HCRTR2: variants seen among roughly 807,000 people sequenced by gnomAD.
The protein encoded by HCRTR2 is hypocretin receptor 2.
A neutral mutation model predicts 49.0 loss-of-function variants in HCRTR2; 22 were observed. The observed-to-expected ratio is 0.45, with a 90% confidence interval of 0.32 to 0.64. The LOEUF (loss-of-function observed/expected upper bound fraction) is 0.64, where lower values mean the gene tolerates loss of function less well. Among genes scored for constraint, HCRTR2 ranks in the 30% least tolerant of loss-of-function variants. The pLI, the probability that HCRTR2 is intolerant of heterozygous loss-of-function variation, is 0.04. For synonymous variants in HCRTR2, 236 were observed against 205.3 expected, an observed-to-expected ratio of 1.15 and a Z score of -1.28; for missense variants, 491 against 559.4, an observed-to-expected ratio of 0.88 and a Z score of 1.23.
intron 1 of HCRTR2, among the ~76,000 whole-genome samples, chr6:55,215,084 T>G (rs1284269824): frequency 6.6e-6 from 1 of 152,236 alleles, no homozygotes; most frequent in East Asian, 1.9e-4. Flanking sequence ...CAGAGCACAA[T>G]GGCCTGCAAC....
chr6:55,143,637 A>G (rs969278008), intron 1 of HCRTR2, among the ~76,000 whole-genome samples: 4 of 152,254 alleles, frequency 2.6e-5, no homozygotes, highest in African/African-American at 4.8e-5. Context: ...TTATTTAGTG[A>G]ATGTGCATTA....
chr6:55,223,680 A>G (rs575820862), intron 1 of HCRTR2, among the ~76,000 whole-genome samples: 20 of 152,064 alleles, frequency 1.3e-4, no homozygotes, highest in African/African-American at 4.6e-4. Context: ...TAGTTTTTCA[A>G]CCTCTATATG....
intron 1 of HCRTR2, among the ~76,000 whole-genome samples, chr6:55,206,861 T>G (rs1230282853): frequency 6.6e-6 from 1 of 151,994 alleles, no homozygotes; most frequent in Non-Finnish European, 1.5e-5. Flanking sequence ...AATTTTTGTG[T>G]GAGTATTTTT....
intron 1 of HCRTR2, among the ~76,000 whole-genome samples, chr6:55,168,462 A>T (rs1243346169): frequency 6.6e-6 from 1 of 152,206 alleles, no homozygotes; most frequent in African/African-American, 2.4e-5. Flanking sequence ...CTGGAATTGG[A>T]CCCTGACAAC....
At chr6:55,110,976 C>T (rs1032000648) in intron 1 of HCRTR2, among the ~76,000 whole-genome samples, 1 of 152,046 alleles carries the variant, frequency 6.6e-6, no homozygotes, top group African/African-American at 2.4e-5. Context: ...TGATAGGTCA[C>T]TAAACAAGTT....
At chr6:55,263,884 T>C (rs774169957) in intron 4 of HCRTR2, 62 bp downstream of exon 4, 3 of 1,011,078 alleles carry the variant, frequency 3.0e-6, no homozygotes, top group Non-Finnish European at 4.6e-6. Context: ...TATTTGTTAT[T>C]CCTTCCAAAT....
At chr6:55,151,684 T>G (rs185218734) in intron 1 of HCRTR2, among the ~76,000 whole-genome samples, 1 of 152,134 alleles carries the variant, frequency 6.6e-6, no homozygotes, top group Admixed American at 6.6e-5. Context: ...ATGTTCTTAA[T>G]GGCACCTAGA....
intron 1 of HCRTR2, among the ~76,000 whole-genome samples, chr6:55,236,416 A>T (rs1433011943): frequency 6.6e-6 from 1 of 152,048 alleles, no homozygotes; most frequent in African/African-American, 2.4e-5. Flanking sequence ...ATTTATTAAG[A>T]TTAGTAGTTT....
chr6:55,248,823 T>A lies in HCRTR2; in HGVS notation c.402+6T>A, dbSNP rs554001862. On this transcript the variant is annotated splice_donor_region_variant and intron_variant, in intron 2 of 6. Coordinates refer to ENST00000370862, the MANE Select transcript of HCRTR2 (RefSeq NM_001384272.1). ...AAGTGATTCCTTATCTACAGGTAAT[T>A]GTTTTTAATGCTTTTTTGAAGCTAC... 3.7e-6 allele frequency: 6 copies of A among 1,611,412 alleles called. No individual in the cohort carries two copies. The South Asian group carries it at 5.5e-5, about 15-fold the overall frequency.
chr6:55,223,388 TG>T (rs1765935914), intron 1 of HCRTR2, among the ~76,000 whole-genome samples: 1 of 152,184 alleles, frequency 6.6e-6, no homozygotes, highest in Non-Finnish European at 1.5e-5. Context: ...ACCATTATCC[TG>T]TAACCATAAA....
intron 1 of HCRTR2, among the ~76,000 whole-genome samples, chr6:55,136,437 A>T (rs1764434891): frequency 6.6e-6 from 1 of 152,170 alleles, no homozygotes; most frequent in African/African-American, 2.4e-5. Context: ...AGAATGTTAG[A>T]CACTGGGAAA....
At chr6:55,193,592 C>A (rs1765358691) in intron 1 of HCRTR2, among the ~76,000 whole-genome samples, 1 of 146,868 alleles carries the variant, frequency 6.8e-6, no homozygotes, top group Non-Finnish European at 1.5e-5. Flanking sequence ...TATTTACCTT[C>A]TAGCAAACCA....
intron 1 of HCRTR2, among the ~76,000 whole-genome samples, chr6:55,187,936 C>T (rs1267255244): frequency 6.6e-6 from 1 of 151,964 alleles, no homozygotes; most frequent in East Asian, 1.9e-4. Flanking sequence ...GCCACCATGC[C>T]CGGCTAATTT....
chr6:55,119,844 C>T (rs570829478), intron 1 of HCRTR2, among the ~76,000 whole-genome samples: 1 of 152,004 alleles, frequency 6.6e-6, no homozygotes, highest in African/African-American at 2.4e-5. Flanking sequence ...AAGTCTTTTC[C>T]CATGCCTATG....
rs145840575 is a variant in HCRTR2, at chr6:55,262,831, A to G, written c.647-876A>G. Among the ~76,000 whole-genome samples, 463 of 149,276 alleles carry G rather than the reference A, an allele frequency of 3.1e-3. 2 individuals are homozygous for G. Among genetic ancestry groups the G allele is most frequent in the African/African-American group, 0.011 (431 of 40,996 alleles). On this transcript the variant is annotated intron_variant, in intron 3 of 6. Coordinates refer to ENST00000370862, the MANE Select transcript of HCRTR2 (RefSeq NM_001384272.1). ...AGTTAGTAATCAATATAATTTAGAA[A>G]AGCTAAAATATTAAACCACAATGCC...
chr6:55,271,950 GTT>G (rs760421851), intron 4 of HCRTR2, among the ~76,000 whole-genome samples: 1 of 152,128 alleles, frequency 6.6e-6, no homozygotes, highest in Non-Finnish European at 1.5e-5. Flanking sequence ...TTGGAAAACA[GTT>G]TGGTAGTTCC....
At chr6:55,278,277 A>G (rs1311368560) in intron 5 of HCRTR2, among the ~76,000 whole-genome samples, 6 of 152,236 alleles carry the variant, frequency 3.9e-5, no homozygotes, top group African/African-American at 1.4e-4. Flanking sequence ...AGTGGTACAC[A>G]CTAAACTTCA....
intron 1 of HCRTR2, among the ~76,000 whole-genome samples, chr6:55,231,494 A>T (rs897166336): frequency 6.6e-6 from 1 of 152,010 alleles, no homozygotes; most frequent in Admixed American, 6.6e-5. Context: ...TCTAATTTTA[A>T]CTATGGAAAG....
chr6:55,182,074 G>A (rs945045407), intron 1 of HCRTR2, among the ~76,000 whole-genome samples: 1 of 152,160 alleles, frequency 6.6e-6, no homozygotes, highest in African/African-American at 2.4e-5. Flanking sequence ...TTAGTATCAC[G>A]AAAGTTTATT....
Sources: allele counts gnomAD v4.1 joint callset (sites outside exome capture counted in the v4.1 genomes callset), GRCh38; gene constraint gnomAD v4.1.1; transcripts MANE v1.5; gene names NCBI Gene and HGNC (gene_info 2026-07-23, HGNC 2026-07-21).